LDAF1: variants seen among roughly 807,000 people sequenced by gnomAD.
LDAF1 encodes the protein PROMETHIN.
In LDAF1, 7 loss-of-function variants were observed where a neutral mutation model predicts 13.5. That is an observed-to-expected ratio of 0.52 (90% CI 0.29 to 0.97). LDAF1 has a LOEUF of 0.97. Ranked by LOEUF, LDAF1 falls within the 50% of genes least tolerant of loss-of-function variation. The pLI is 0.07. For missense variants in LDAF1, 148 were observed against 193.2 expected, an observed-to-expected ratio of 0.77 and a Z score of 1.39; for synonymous variants, 69 against 77.1, an observed-to-expected ratio of 0.89 and a Z score of 0.55.
intron 1 of LDAF1, chr16:21,159,498 T>TC: frequency 6.5e-7 from 1 of 1,538,406 alleles, no homozygotes; most frequent in East Asian, 2.3e-5. Context: ...GTAGCCGTTT[T>TC]CCCCTGGAGG....
At chr16:21,158,775 T>G in intron 1 of LDAF1, 29 bp downstream of exon 1, 1 of 153,568 alleles carries the variant, frequency 6.5e-6, no homozygotes, top group Non-Finnish European at 1.4e-5. Context: ...GGGGTGGGGG[T>G]CCGGGTGCCC....
At chr16:21,159,023 C>CA (rs2092928814) in intron 1 of LDAF1, among the ~76,000 whole-genome samples, 1 of 151,770 alleles carries the variant, frequency 6.6e-6, no homozygotes, top group Non-Finnish European at 1.5e-5. Flanking sequence ...CATACACACA[C>CA]ACACTACCAC....
In LDAF1 at chr16:21,180,061, A is replaced by G. The variant is rs1567205838; in HGVS notation, c.*505A>G. ...ACATTTGGCCTCTCCAAGTTGGAAA[A>G]TAGAGTCCAAATGTAACTTTGTGGC... On this transcript the variant is annotated 3_prime_UTR_variant, in exon 5 of 5. Coordinates refer to ENST00000233047, the MANE Select transcript of LDAF1 (RefSeq NM_001301771.2). 1.9e-5 allele frequency: 3 copies of G among 156,552 alleles called. No individual in the cohort carries two copies. Among genetic ancestry groups the G allele is most frequent in the Non-Finnish European group, 4.2e-5 (3 of 70,612 alleles). The allele number at this position is 156,552 out of a possible 1,614,324, so 9.7% of individuals were successfully genotyped here.
At chr16:21,162,589 G>C (rs1349984204) in intron 2 of LDAF1, among the ~76,000 whole-genome samples, 1 of 152,104 alleles carries the variant, frequency 6.6e-6, no homozygotes, top group African/African-American at 2.4e-5. Context: ...CTATTTTGTG[G>C]TGTATTTTTT....
At chr16:21,171,294 C>T (rs2152847362) in intron 3 of LDAF1, among the ~76,000 whole-genome samples, 2 of 152,286 alleles carry the variant, frequency 1.3e-5, no homozygotes, top group South Asian at 4.1e-4. Context: ...TCACACACCC[C>T]AGGCAAGTGG....
chr16:21,162,600 T>G (rs184563704), intron 2 of LDAF1, among the ~76,000 whole-genome samples: 1 of 152,240 alleles, frequency 6.6e-6, no homozygotes. Context: ...TGTATTTTTT[T>G]TTGTATTGGA....
intron 4 of LDAF1, chr16:21,179,271 G>A: frequency 1.4e-6 from 1 of 737,484 alleles, no homozygotes; most frequent in Non-Finnish European, 1.7e-6. Context: ...ATGGAAAAGG[G>A]GCCGTAACCC....
At position 21,179,757 on chromosome 16, in the gene LDAF1, G is replaced by A. The variant is rs978026324; in HGVS notation, c.*201G>A. On this transcript the variant is annotated 3_prime_UTR_variant, in exon 5 of 5. Transcript: ENST00000233047. ...GTGTTGGTTCCCATGTAAAGAAGCAGCAGAGAAATGCGATGGTTCAACAGC... is the reference window on the plus strand; with the variant it reads ...GTGTTGGTTCCCATGTAAAGAAGCAACAGAGAAATGCGATGGTTCAACAGC... The A allele has an allele frequency of 5.6e-6, 3 of 539,260 alleles. No individual in the cohort carries two copies. Among genetic ancestry groups the A allele is most frequent in the Middle Eastern group, 1.0e-3 (2 of 1,994 alleles). 33.4% of individuals were successfully genotyped at this position (539,260 alleles called of 1,614,324 possible). A position where few individuals can be genotyped will look rare whatever the true frequency, so the allele number is the denominator to read the frequency against.
At chr16:21,160,099 A>G (rs2092951705) in intron 1 of LDAF1, 1 of 344,444 alleles carries the variant, frequency 2.9e-6, no homozygotes. Context: ...AGATAAAATT[A>G]CCCCCTATAT....
At position 21,166,951 on chromosome 16, in the gene LDAF1, A is replaced by G. The variant is rs1181683105; in HGVS notation, c.97-3486A>G. 2.6e-6 allele frequency: 4 copies of G among 1,521,100 alleles called. No individual in the cohort carries two copies. The Admixed American group carries it at 5.9e-5, about 22-fold the overall frequency. 94.2% of individuals were successfully genotyped at this position (1,521,100 alleles called of 1,614,324 possible). ...AGTCATCTCTGGCTAGAGAAGCGGA[A>G]TAGCAAGCTCTTTGGTGGCTTTTGT... is the stretch of plus-strand genomic sequence containing the variant. On this transcript the variant is annotated intron_variant, in intron 2 of 4. Transcript: ENST00000233047.
At chr16:21,166,918 C>T (rs575569387) in intron 2 of LDAF1, 1 of 1,535,228 alleles carries the variant, frequency 6.5e-7, no homozygotes, top group African/African-American at 1.4e-5. Context: ...CAAGGTGATT[C>T]CTGCTACAGT....
intron 1 of LDAF1, among the ~76,000 whole-genome samples, chr16:21,159,092 G>A (rs1468394739): frequency 6.6e-6 from 1 of 151,798 alleles, no homozygotes; most frequent in Non-Finnish European, 1.5e-5. Flanking sequence ...CCCTTTCTGG[G>A]GAACCTGGGG....
chr16:21,166,960 T>C (rs746526467), intron 2 of LDAF1: 38 of 1,507,252 alleles, frequency 2.5e-5, no homozygotes, highest in Non-Finnish European at 3.3e-5. Flanking sequence ...AATAGCAAGC[T>C]CTTTGGTGGC....
chr16:21,167,696 G>GTTTTTTTTTTTTTTC (rs778992036), intron 2 of LDAF1, among the ~76,000 whole-genome samples: 1 of 89,092 alleles, frequency 1.1e-5, no homozygotes, highest in Non-Finnish European at 2.0e-5. Context: ...CCTTAGGTTT[G>GTTTTTTTTTTTTTTC]TTTTTTTTTT....
chr16:21,163,258 A>T (rs1455723498), intron 2 of LDAF1, among the ~76,000 whole-genome samples: 1 of 152,158 alleles, frequency 6.6e-6, no homozygotes, highest in East Asian at 1.9e-4. Context: ...ATGAAACAGG[A>T]AGGCTCGGTG....
At chr16:21,177,908 G>A (rs1365836246) in intron 4 of LDAF1, among the ~76,000 whole-genome samples, 1 of 151,986 alleles carries the variant, frequency 6.6e-6, no homozygotes, top group Non-Finnish European at 1.5e-5. Context: ...GTAAGCCACT[G>A]TACCCAGCCT....
At chr16:21,159,403 G>A in intron 1 of LDAF1, 1 of 1,614,128 alleles carries the variant, frequency 6.2e-7, no homozygotes, top group Non-Finnish European at 8.5e-7. Flanking sequence ...GATGGGGAGG[G>A]GCGGCCAGTG....
rs755462099 is a variant in LDAF1 at position 21,174,043 on chromosome 16, T to C, written c.299T>C (p.Leu100Pro). Residue 100 changes from leucine to proline, a missense_variant, in exon 4 of 5, where the codon CTC (leucine) becomes CCC (proline). Coordinates refer to ENST00000233047, the MANE Select transcript of LDAF1 (RefSeq NM_001301771.2). The stretch of plus-strand genomic sequence containing the variant: ...ATCTCTGTGGGTGGCTTCTCACTGC[T>C]CTGCATCCTCTGTGGTTTGGGCTTC... ...LVISVGGFSL[L>P]CILCGLGFVS... The C allele has an allele frequency of 1.2e-6, 2 of 1,614,108 alleles. No homozygotes were observed. Among genetic ancestry groups the C allele is most frequent in the Non-Finnish European group, 1.7e-6 (2 of 1,179,998 alleles).
intron 2 of LDAF1, among the ~76,000 whole-genome samples, chr16:21,166,630 G>T (rs890140940): frequency 3.3e-5 from 5 of 152,248 alleles, no homozygotes; most frequent in African/African-American, 7.2e-5. Context: ...ATACTCACGG[G>T]TGTACTGCTG....
Sources: allele counts gnomAD v4.1 joint callset (sites outside exome capture counted in the v4.1 genomes callset), GRCh38; gene constraint gnomAD v4.1.1; transcripts MANE v1.5; gene names NCBI Gene and HGNC (gene_info 2026-07-23, HGNC 2026-07-21).